The following LDLRAD4 variants were observed in gnomAD, a reference collection of about 807,000 sequenced individuals.
The protein encoded by LDLRAD4 is low-density lipoprotein receptor class A domain-containing protein 4.
A neutral mutation model predicts 17.0 loss-of-function variants in LDLRAD4; 5 were observed. The observed-to-expected ratio is 0.29, with a 90% CI of 0.15 to 0.62. LDLRAD4 has a LOEUF of 0.62. Among genes scored for constraint, LDLRAD4 ranks in the 20% least tolerant of loss-of-function variants. LDLRAD4 has a pLI of 0.84. For synonymous variants in LDLRAD4, 168 were observed against 171.8 expected (o/e 0.98, Z 0.17); for missense variants, 340 against 424.7 (o/e 0.80, Z 1.75).
intron 1 of LDLRAD4, among the ~76,000 whole-genome samples, chr18:13,295,670 A>G (rs927789357): frequency 6.6e-6 from 1 of 152,254 alleles, no homozygotes; most frequent in Non-Finnish European, 1.5e-5. Context: ...AAGGGGGAAA[A>G]GTAACTTTGT....
In LDLRAD4 at chr18:13,610,265, ATTTTTTTTTTTTTTTTTTTTTT is replaced by A. The variant is rs1157718015; in HGVS notation, c.182-10833_182-10812del. Among the ~76,000 whole-genome samples, 22 of 62,512 alleles carry A rather than the reference ATTTTTTTTTTTTTTTTTTTTTT, an allele frequency of 3.5e-4. 1 individual carries two copies. Among genetic ancestry groups the A allele is most frequent in the African/African-American group, 6.5e-4 (12 of 18,414 alleles). 41.0% of individuals were successfully genotyped at this position (62,512 alleles called of 152,430 possible). ...TTCCATGAAGTTCACCAAAGCCCTA[ATTTTTTTTTTTTTTTTTTTTTT>A]TTTTTTTTTTTTTTTTTTGAGACGG... On this transcript the variant is annotated intron_variant, in intron 3 of 5. Transcript: ENST00000359446.
intron 1 of LDLRAD4, among the ~76,000 whole-genome samples, chr18:13,232,664 C>T (rs771826992): frequency 2.0e-5 from 3 of 152,212 alleles, no homozygotes; most frequent in Non-Finnish European, 4.4e-5. Context: ...AGCTCTGACT[C>T]TTCCGCTGTG....
chr18:13,538,205 C>T (rs59232208), intron 3 of LDLRAD4, among the ~76,000 whole-genome samples: 22,600 of 152,062 alleles, frequency 0.15, 1,998 homozygotes, highest in Middle Eastern at 0.3. Context: ...TTATCTCTTT[C>T]CATTTACTTA....
chr18:13,533,481 T>G (rs2094157944), intron 3 of LDLRAD4, among the ~76,000 whole-genome samples: 1 of 152,206 alleles, frequency 6.6e-6, no homozygotes, highest in African/African-American at 2.4e-5. Flanking sequence ...TGATCCCAAT[T>G]TTTTTCATAT....
rs188803595 is a variant in LDLRAD4 at position 13,359,489 on chromosome 18, C to T, written c.-382-27852C>T. The stretch of plus-strand genomic sequence containing the variant: ...GCTTGTCACATGATGTACTTCCGTG[C>T]CTTTACCATTGTTTAAGACAACTTG... On this transcript the variant is annotated intron_variant, in intron 1 of 5. Transcript: ENST00000359446. Among the ~76,000 whole-genome samples, 3 of 152,106 alleles carry T rather than the reference C, an allele frequency of 2.0e-5. No individual in the cohort carries two copies. In the East Asian group the frequency reaches 5.8e-4, roughly 29 times the overall value.
At chr18:13,403,497 T>C (rs963581799) in intron 2 of LDLRAD4, among the ~76,000 whole-genome samples, 1 of 152,136 alleles carries the variant, frequency 6.6e-6, no homozygotes, top group African/African-American at 2.4e-5. Flanking sequence ...TGGCAGTGAG[T>C]GTATGTTGGC....
intron 1 of LDLRAD4, among the ~76,000 whole-genome samples, chr18:13,346,499 A>T (rs930679508): frequency 6.6e-6 from 1 of 152,126 alleles, no homozygotes; most frequent in African/African-American, 2.4e-5. Context: ...ATTTCCAACT[A>T]TGTGGTCAAT....
At chr18:13,393,735 C>T (rs145358289) in intron 2 of LDLRAD4, among the ~76,000 whole-genome samples, 2 of 152,284 alleles carry the variant, frequency 1.3e-5, no homozygotes, top group Non-Finnish European at 2.9e-5. Flanking sequence ...CTGCTTCTTG[C>T]TTCATAACAG....
intron 3 of LDLRAD4, among the ~76,000 whole-genome samples, chr18:13,498,612 C>T (rs2093533766): frequency 6.6e-6 from 1 of 150,806 alleles, no homozygotes; most frequent in Admixed American, 6.6e-5. Context: ...CTGCTGTGGA[C>T]ACTGGAGAAT....
rs118114341 is a variant in LDLRAD4, at chr18:13,637,401, C to T, written c.337-5958C>T. Among the ~76,000 whole-genome samples the T allele has an allele frequency of 1.0e-3, 153 of 152,142 alleles. No homozygotes were observed. In the East Asian group the frequency reaches 0.02, roughly 20 times the overall value. ...GTAAGGAGACTCTTGGTTAATGCAG[C>T]GCCCAACCTTAAGAGAAAGCTCCTG... On this transcript the variant is annotated intron_variant, in intron 4 of 5. Coordinates refer to ENST00000359446, the Ensembl canonical transcript of LDLRAD4.
intron 1 of LDLRAD4, among the ~76,000 whole-genome samples, chr18:13,331,903 C>T (rs2081884811): frequency 6.6e-6 from 1 of 152,198 alleles, no homozygotes; most frequent in South Asian, 2.1e-4. Context: ...ATCTTGCTCT[C>T]TTGCCCAGAC....
chr18:13,541,216 G>A (rs745774801), intron 3 of LDLRAD4, among the ~76,000 whole-genome samples: 2 of 152,238 alleles, frequency 1.3e-5, no homozygotes, highest in African/African-American at 2.4e-5. Flanking sequence ...AATCTCCTCA[G>A]CAGTTTAGAC....
rs111684104 is a variant in LDLRAD4 at position 13,352,316 on chromosome 18, G to A, written c.-382-35025G>A. 5.8e-3 allele frequency among the ~76,000 whole-genome samples: 885 copies of A among 152,320 alleles called. 8 individuals are homozygous for A. The highest frequency in any genetic ancestry group is 0.021 in the African/African-American group (853 of 41,572). ...GAGTATTCAAATAGGAATAGAGGAC[G>A]TCAAATTGTCTCATTTTTAGTTCAA... is the stretch of plus-strand genomic sequence containing the variant. On this transcript the variant is annotated intron_variant, in intron 1 of 5. Coordinates refer to ENST00000359446, the Ensembl canonical transcript of LDLRAD4.
chr18:13,441,395 G>A (rs1239555265), intron 3 of LDLRAD4, among the ~76,000 whole-genome samples: 3 of 152,162 alleles, frequency 2.0e-5, no homozygotes, highest in Non-Finnish European at 2.9e-5. Context: ...AGTATCCCAC[G>A]AACTCTTGTC....
In LDLRAD4 at chr18:13,442,890, C is replaced by T. The variant is rs1009860692; in HGVS notation, c.181+4506C>T. Among the ~76,000 whole-genome samples the T allele has an allele frequency of 2.6e-5, 4 of 152,152 alleles. No homozygotes were observed. In the East Asian group the frequency reaches 7.7e-4, roughly 29 times the overall value. ...CACTGGACCTTAAGAGTAAGGTCAG[C>T]GTCGACAAGAAGCCACAACTTTCCC... is the stretch of plus-strand genomic sequence containing the variant. On this transcript the variant is annotated intron_variant, in intron 3 of 5. Transcript: ENST00000359446.
intron 1 of LDLRAD4, among the ~76,000 whole-genome samples, chr18:13,364,352 A>C (rs948961007): frequency 2.0e-5 from 3 of 151,514 alleles, no homozygotes; most frequent in Non-Finnish European, 2.9e-5. Context: ...ATTTTTTTTT[A>C]AAAGAGACAA....
At chr18:13,229,004 C>T (rs2041941365) in intron 1 of LDLRAD4, among the ~76,000 whole-genome samples, 1 of 152,210 alleles carries the variant, frequency 6.6e-6, no homozygotes, top group African/African-American at 2.4e-5. Context: ...CCTTTGGTTG[C>T]TGTAACATTG....
chr18:13,237,035 G>T (rs1267871964), intron 1 of LDLRAD4, among the ~76,000 whole-genome samples: 1 of 152,234 alleles, frequency 6.6e-6, no homozygotes, highest in Non-Finnish European at 1.5e-5. Context: ...TTAAGAAGCA[G>T]CAGGTGTCTC....
intron 1 of LDLRAD4, among the ~76,000 whole-genome samples, chr18:13,332,886 G>C (rs1261070683): frequency 6.6e-6 from 1 of 152,056 alleles, no homozygotes; most frequent in Non-Finnish European, 1.5e-5. Context: ...CCGTAAGTAG[G>C]TTTTTGCATG....
Sources: gnomAD v4.1 joint callset for allele counts (sites outside exome capture counted in the v4.1 genomes callset) on GRCh38, gnomAD v4.1.1 for gene constraint, MANE v1.5 for transcripts, NCBI Gene and HGNC (gene_info 2026-07-23, HGNC 2026-07-21) for gene names.